The following IP6K2 variants were observed in gnomAD, a reference collection of about 807,000 sequenced individuals.
IP6K2 encodes ATP:1D-myo-inositol-hexakisphosphate phosphotransferase.
IP6K2 carries 9 observed loss-of-function variants against 43.3 expected under a neutral mutation model. The observed-to-expected ratio is 0.21, with a 90% CI of 0.13 to 0.36. The LOEUF (loss-of-function observed/expected upper bound fraction) is 0.36, where lower values mean the gene tolerates loss of function less well. IP6K2 is among the 10% of genes least tolerant of loss of function. The pLI, the probability that IP6K2 is intolerant of heterozygous loss-of-function variation, is 1.00. For missense variants in IP6K2, 332 were observed against 538.4 expected (o/e 0.62, Z 3.79); for synonymous variants, 209 against 202.4 (o/e 1.03, Z -0.28).
At chr3:48,690,026 C>CA (rs1485453496) in intron 4 of IP6K2, among the ~76,000 whole-genome samples, 1 of 152,222 alleles carries the variant, frequency 6.6e-6, no homozygotes, top group African/African-American at 2.4e-5. Context: ...GGTCCAAAAA[C>CA]AAAGTCCTCA....
At position 48,714,765 on chromosome 3, in the gene IP6K2, G is replaced by A. The variant is rs927647930; in HGVS notation, c.-131+2392C>T. Among the ~76,000 whole-genome samples the A allele has an allele frequency of 5.3e-5, 8 of 150,416 alleles. No homozygotes were observed. In the South Asian group the frequency reaches 8.4e-4, roughly 16 times the overall value. On this transcript the variant is annotated intron_variant, in intron 1 of 5. Coordinates refer to ENST00000328631, the MANE Select transcript of IP6K2 (RefSeq NM_016291.4). ...AGGCAGGCTGAGGCAGGAGAATGGC[G>A]TGAACCCGGAAGGCGGAGCTTGCAG... is the stretch of plus-strand genomic sequence containing the variant.
intron 3 of IP6K2, among the ~76,000 whole-genome samples, chr3:48,692,392 G>C (rs575242283): frequency 6.6e-6 from 1 of 152,302 alleles, no homozygotes; most frequent in Admixed American, 6.5e-5. Context: ...CTAGGCAGTG[G>C]TACCACCTAG....
chr3:48,694,205 G>A (rs1028319701), intron 2 of IP6K2: 16 of 1,551,424 alleles, frequency 1.0e-5, no homozygotes, highest in Non-Finnish European at 1.4e-5. Flanking sequence ...AAATGGGGCA[G>A]GGATGGCCAG....
chr3:48,706,537 G>T (rs1036485383), intron 1 of IP6K2, among the ~76,000 whole-genome samples: 20 of 152,134 alleles, frequency 1.3e-4, no homozygotes, highest in Non-Finnish European at 2.8e-4. Flanking sequence ...ACAGACAGTT[G>T]TAATATTGCT....
At chr3:48,714,391 G>A (rs1490751314) in intron 1 of IP6K2, among the ~76,000 whole-genome samples, 1 of 151,366 alleles carries the variant, frequency 6.6e-6, no homozygotes, top group African/African-American at 2.4e-5. Flanking sequence ...TTTTTTGTGT[G>A]TGTGTGTGTG....
At position 48,716,187 on chromosome 3, in the gene IP6K2, G is replaced by A. The variant is rs572074144; in HGVS notation, c.-131+970C>T. ...AATACAGCAAACATTTTAAACACTAGAATTCAACAAAATTACTGTAATCAT... is the reference window on the plus strand; with the variant it reads ...AATACAGCAAACATTTTAAACACTAAAATTCAACAAAATTACTGTAATCAT... On this transcript the variant is annotated intron_variant, in intron 1 of 5. Transcript: ENST00000328631. 1.1e-4 allele frequency among the ~76,000 whole-genome samples: 17 copies of A among 152,256 alleles called. No homozygotes were observed. In the Middle Eastern group the frequency reaches 0.01, roughly 91 times the overall value.
intron 1 of IP6K2, among the ~76,000 whole-genome samples, chr3:48,708,648 G>A (rs1241059023): frequency 7.0e-6 from 1 of 142,520 alleles, no homozygotes; most frequent in Non-Finnish European, 1.5e-5. Context: ...CCACCACATT[G>A]TAAGAAACTA....
rs142829369 is a variant in IP6K2, at chr3:48,706,839, C to T, written c.-131+10318G>A. 7.2e-4 allele frequency among the ~76,000 whole-genome samples: 109 copies of T among 152,046 alleles called. 1 individual carries two copies. In the East Asian group the frequency reaches 0.015, roughly 20 times the overall value. On this transcript the variant is annotated intron_variant, in intron 1 of 5. Transcript: ENST00000328631. ...CCAAAAAAATAAAAAAGAAAGAAAG[C>T]GGTGGTCAAAATGCTGCCCCAAAAT...
intron 1 of IP6K2, among the ~76,000 whole-genome samples, chr3:48,703,101 G>A (rs2079250255): frequency 6.6e-6 from 1 of 152,154 alleles, no homozygotes; most frequent in South Asian, 2.1e-4. Flanking sequence ...TGCATTAACT[G>A]GGGAGTATAA....
intron 1 of IP6K2, among the ~76,000 whole-genome samples, chr3:48,709,795 C>T (rs2080269388): frequency 6.6e-6 from 1 of 151,446 alleles, no homozygotes; most frequent in Middle Eastern, 3.4e-3. Flanking sequence ...CGAGATCGCA[C>T]CACTGCACTC....
intron 4 of IP6K2, 138 bp from the exon 5 acceptor site, chr3:48,689,851 A>T (rs561358080): frequency 1.2e-5 from 8 of 666,718 alleles, no homozygotes; most frequent in Non-Finnish European, 2.0e-5. Flanking sequence ...GCCATCCCCG[A>T]CACAGGGAGT....
At chr3:48,710,033 C>A (rs918009023) in intron 1 of IP6K2, among the ~76,000 whole-genome samples, 3 of 152,184 alleles carry the variant, frequency 2.0e-5, no homozygotes, top group South Asian at 2.1e-4. Flanking sequence ...AAAGGTCACA[C>A]TGATCTCTTC....
At chr3:48,703,407 A>G (rs1393072049) in intron 1 of IP6K2, among the ~76,000 whole-genome samples, 4 of 152,204 alleles carry the variant, frequency 2.6e-5, no homozygotes, top group Non-Finnish European at 5.9e-5. Context: ...AATCGTCACT[A>G]AAAAATAATT....
At chr3:48,704,577 T>A (rs2079475517) in intron 1 of IP6K2, among the ~76,000 whole-genome samples, 1 of 151,926 alleles carries the variant, frequency 6.6e-6, no homozygotes, top group Admixed American at 6.6e-5. Context: ...CAAGTGATCC[T>A]CCCACCTCAG....
chr3:48,693,593 GC>G, intron 2 of IP6K2: 1 of 1,166,790 alleles, frequency 8.6e-7, no homozygotes, highest in Non-Finnish European at 1.1e-6. Flanking sequence ...TTAAAGCAGA[GC>G]CTGAATACAG....
intron 1 of IP6K2, among the ~76,000 whole-genome samples, chr3:48,705,221 C>T (rs531709050): frequency 1.3e-5 from 2 of 152,162 alleles, no homozygotes; most frequent in East Asian, 2.0e-4. Flanking sequence ...GGATTACAGG[C>T]GTGAATCACC....
chr3:48,701,065 TTAAC>T (rs1479505312), intron 1 of IP6K2, among the ~76,000 whole-genome samples: 4 of 152,154 alleles, frequency 2.6e-5, no homozygotes, highest in African/African-American at 4.8e-5. Context: ...TCCTAGGTGT[TTAAC>T]TAAGTGGAAT....
At chr3:48,689,755 G>T (rs373167135) in intron 4 of IP6K2, 42 bp from the exon 5 acceptor site, 1 of 1,567,300 alleles carries the variant, frequency 6.4e-7, no homozygotes, top group Non-Finnish European at 8.8e-7. Flanking sequence ...AAGTGCTACT[G>T]CATGGGTCCT....
intron 2 of IP6K2, chr3:48,693,984 GCCTTACA>G: frequency 1.5e-6 from 2 of 1,373,214 alleles, no homozygotes; most frequent in Non-Finnish European, 1.9e-6. Flanking sequence ...GCCGACGAGC[GCCTTACA>G]AACGACTGGC....
Sources: allele counts gnomAD v4.1 joint callset (sites outside exome capture counted in the v4.1 genomes callset), GRCh38; gene constraint gnomAD v4.1.1; transcripts MANE v1.5; gene names NCBI Gene and HGNC (gene_info 2026-07-23, HGNC 2026-07-21).